The following ZFHX3 variants were observed in gnomAD, a reference collection of about 807,000 sequenced individuals.
ZFHX3 encodes zinc finger homeobox protein 3.
ZFHX3 carries 42 observed loss-of-function variants against 279.1 expected under a neutral mutation model. That is an observed-to-expected ratio of 0.15 (90% CI 0.12 to 0.19). ZFHX3 has a LOEUF of 0.19. Ranked by LOEUF, ZFHX3 falls within the 10% of genes least tolerant of loss-of-function variation. The pLI is 1.00. For synonymous variants in ZFHX3, 2,293 were observed against 1,957.8 expected, an observed-to-expected ratio of 1.17 and a Z score of -4.52; for missense variants, 4,981 against 4,754.0, an observed-to-expected ratio of 1.05 and a Z score of -1.40.
intron 4 of ZFHX3, among the ~76,000 whole-genome samples, chr16:73,281,033 A>AGAGGGGAGGGGC (rs1567438778): frequency 3.0e-5 from 1 of 32,932 alleles, no homozygotes; most frequent in African/African-American, 8.7e-5. Context: ...AGGAGAGGGG[A>AGAGGGGAGGGGC]GGGGAGGGGA....
intron 3 of ZFHX3, among the ~76,000 whole-genome samples, chr16:73,407,920 C>A (rs76597522): frequency 1.3e-5 from 2 of 152,196 alleles, no homozygotes; most frequent in African/African-American, 2.4e-5. Flanking sequence ...CCTACCCCAA[C>A]CTCTGATTCC....
chr16:73,152,206 A>G (rs1475956852), intron 5 of ZFHX3, among the ~76,000 whole-genome samples: 3 of 152,226 alleles, frequency 2.0e-5, no homozygotes, highest in Non-Finnish European at 2.9e-5. Context: ...CAGCTGACAA[A>G]TAAAAAATAT....
At chr16:73,659,327 C>A (rs1193467910) in intron 2 of ZFHX3, among the ~76,000 whole-genome samples, 1 of 152,080 alleles carries the variant, frequency 6.6e-6, no homozygotes, top group Non-Finnish European at 1.5e-5. Context: ...AAGAGAAGGA[C>A]CCTGAAGTAG....
intron 3 of ZFHX3, among the ~76,000 whole-genome samples, chr16:73,403,110 T>C (rs1025227387): frequency 2.6e-5 from 4 of 152,092 alleles, no homozygotes; most frequent in Admixed American, 2.6e-4. Flanking sequence ...ACGGTCCACC[T>C]GGTGGGCTGG....
At chr16:73,217,893 A>G (rs1047747009) in intron 5 of ZFHX3, among the ~76,000 whole-genome samples, 1 of 152,190 alleles carries the variant, frequency 6.6e-6, no homozygotes, top group Admixed American at 6.5e-5. Context: ...ACCTAAAAAA[A>G]AAAAATTAAA....
intron 7 of ZFHX3, among the ~76,000 whole-genome samples, chr16:73,117,190 TC>T (rs1477882440): frequency 6.6e-6 from 1 of 152,190 alleles, no homozygotes; most frequent in Non-Finnish European, 1.5e-5. Flanking sequence ...CTTCTTTCCT[TC>T]CCTCTTTCCT....
chr16:73,863,384 G>A (rs1439054333), intron 1 of ZFHX3, among the ~76,000 whole-genome samples: 1 of 152,140 alleles, frequency 6.6e-6, no homozygotes, highest in Non-Finnish European at 1.5e-5. Context: ...GGACTGAAGA[G>A]TGTGAACAGC....
At chr16:73,381,082 T>C (rs1456295850) in intron 3 of ZFHX3, among the ~76,000 whole-genome samples, 1 of 152,196 alleles carries the variant, frequency 6.6e-6, no homozygotes, top group African/African-American at 2.4e-5. Context: ...CTGTTTAAAT[T>C]ACTGGTGTGG....
chr16:73,171,068 T>A (rs1437958533), intron 5 of ZFHX3, among the ~76,000 whole-genome samples: 2 of 152,164 alleles, frequency 1.3e-5, no homozygotes, highest in African/African-American at 4.8e-5. Context: ...CTCCATCATT[T>A]GGGAACCCTC....
intron 1 of ZFHX3, among the ~76,000 whole-genome samples, chr16:72,988,604 T>C (rs1319902083): frequency 6.6e-6 from 1 of 152,208 alleles, no homozygotes. Flanking sequence ...TGGAATTCAA[T>C]TGCACTAACT....
intron 2 of ZFHX3, among the ~76,000 whole-genome samples, chr16:73,633,490 G>A (rs1318592372): frequency 6.6e-6 from 1 of 152,224 alleles, no homozygotes; most frequent in African/African-American, 2.4e-5. Context: ...TTGCAGGAAA[G>A]TGAGGGGGCA....
chr16:73,411,046 G>A (rs2017455683), intron 3 of ZFHX3, among the ~76,000 whole-genome samples: 2 of 152,310 alleles, frequency 1.3e-5, no homozygotes, highest in South Asian at 2.1e-4. Flanking sequence ...TAGAGCTGCC[G>A]ATGGCATTGA....
chr16:73,418,256 G>A (rs748591540), intron 3 of ZFHX3, among the ~76,000 whole-genome samples: 1 of 152,232 alleles, frequency 6.6e-6, no homozygotes, highest in South Asian at 2.1e-4. Flanking sequence ...TTAAGGAAGA[G>A]TCCGATTTCC....
chr16:73,752,193 G>C (rs996371528), intron 1 of ZFHX3, among the ~76,000 whole-genome samples: 1 of 151,966 alleles, frequency 6.6e-6, no homozygotes, highest in African/African-American at 2.4e-5. Flanking sequence ...CCAAGGCCCA[G>C]GTAAATGTCT....
chr16:72,811,539 G>A, intron 7 of ZFHX3, 38 bp downstream of exon 7: 1 of 1,526,732 alleles, frequency 6.5e-7, no homozygotes, highest in Non-Finnish European at 8.9e-7. Flanking sequence ...CTTTGACCCT[G>A]GAGAAAGACC....
intron 2 of ZFHX3, among the ~76,000 whole-genome samples, chr16:73,654,666 CAT>C (rs2052704805): frequency 6.6e-6 from 1 of 151,778 alleles, no homozygotes; most frequent in African/African-American, 2.4e-5. Flanking sequence ...GTAAATTAAA[CAT>C]GAGTAAATAA....
intron 1 of ZFHX3, among the ~76,000 whole-genome samples, chr16:73,768,209 C>T (rs1473309221): frequency 1.3e-5 from 2 of 152,040 alleles, no homozygotes; most frequent in African/African-American, 4.8e-5. Flanking sequence ...AAGTTCAATC[C>T]CTTGATGGGA....
chr16:73,505,346 C>A (rs1358361545), intron 2 of ZFHX3, among the ~76,000 whole-genome samples: 2 of 152,136 alleles, frequency 1.3e-5, no homozygotes, highest in Admixed American at 6.5e-5. Flanking sequence ...ACGTCACTTA[C>A]AAGAAGCAGG....
Position 72,796,773 on chromosome 16 carries a change from T to G in ZFHX3, c.5909A>C (p.Lys1970Thr). The change falls in exon 9 of 10, where the codon AAG becomes ACG. Residue 1970 changes from lysine (K) to threonine (T), a missense_variant. Around this residue, in one of 7 missense-constraint regions of ZFHX3, gnomAD observed 1,751 missense variants for 1,770.0 expected, o/e 0.99. Transcript: ENST00000268489. ...CTCTCCCTGGTCAGTCTTCCCATTC[T>G]TTTTCTGCACCTTCTGCTTGTTCTC... ...YNENKQKVQK[K>T]NGKTDQGENL... The G allele has an allele frequency of 1.2e-6, 2 of 1,613,546 alleles. No individual in the cohort carries two copies. The highest frequency in any genetic ancestry group is 1.7e-6 in the Non-Finnish European group (2 of 1,179,920).
Sources: gnomAD v4.1 joint callset for allele counts (sites outside exome capture counted in the v4.1 genomes callset) on GRCh38, gnomAD v4.1.1 for gene constraint, gnomAD v4.1.1 regional missense constraint, MANE v1.5 for transcripts, NCBI Gene and HGNC (gene_info 2026-07-23, HGNC 2026-07-21) for gene names.